TMEM233: variants seen among roughly 807,000 people sequenced by gnomAD.
TMEM233 encodes the protein transmembrane protein 233, also known as dispanin subfamily B member 2.
Under a neutral mutation model 11.2 loss-of-function variants are expected in TMEM233, and 6 were observed. The observed-to-expected ratio is 0.54, with a 90% CI of 0.29 to 1.06. The LOEUF is 1.06. Among genes scored for constraint, TMEM233 ranks in the 50% least tolerant of loss-of-function variants. The pLI, the probability that TMEM233 is intolerant of heterozygous loss-of-function variation, is 0.08. For missense variants in TMEM233, 127 were observed against 144.7 expected, an observed-to-expected ratio of 0.88 and a Z score of 0.63; for synonymous variants, 59 against 55.8, an observed-to-expected ratio of 1.06 and a Z score of -0.26.
chr12:119,611,338 T>G (rs995382502), intron 1 of TMEM233, among the ~76,000 whole-genome samples: 1 of 147,684 alleles, frequency 6.8e-6, no homozygotes, highest in South Asian at 2.1e-4. Context: ...CAATAACACA[T>G]GTTATTATCT....
At chr12:119,625,963 C>T (rs867106402) in intron 1 of TMEM233, among the ~76,000 whole-genome samples, 24 of 152,260 alleles carry the variant, frequency 1.6e-4, no homozygotes, top group African/African-American at 5.1e-4. Context: ...ATCCTAGACA[C>T]GATCAAGGAT....
intron 1 of TMEM233, among the ~76,000 whole-genome samples, chr12:119,610,640 C>T (rs1593285897): frequency 6.6e-6 from 1 of 152,274 alleles, no homozygotes; most frequent in East Asian, 1.9e-4. Context: ...GACTCTTCCC[C>T]AATTCACTTG....
chr12:119,606,415 AAG>A (rs1051433317), intron 1 of TMEM233, among the ~76,000 whole-genome samples: 4 of 152,194 alleles, frequency 2.6e-5, no homozygotes, highest in Non-Finnish European at 5.9e-5. Flanking sequence ...ATGGTTTTGA[AAG>A]AGAGAAGATG....
chr12:119,636,027 A>C (rs913738595), intron 2 of TMEM233, among the ~76,000 whole-genome samples: 6 of 152,102 alleles, frequency 3.9e-5, no homozygotes, highest in Non-Finnish European at 8.8e-5. Flanking sequence ...CATAGGCATG[A>C]CCAATTACAT....
chr12:119,643,818 G>A (rs893687359), downstream of TMEM233, among the ~76,000 whole-genome samples: 1 of 151,802 alleles, frequency 6.6e-6, no homozygotes, highest in Non-Finnish European at 1.5e-5. Context: ...TCATCAGCCA[G>A]TTACAAAAAC....
intron 1 of TMEM233, among the ~76,000 whole-genome samples, chr12:119,624,900 A>G (rs923522118): frequency 6.6e-6 from 1 of 152,228 alleles, no homozygotes; most frequent in African/African-American, 2.4e-5. Context: ...TGGTCCCCAC[A>G]TCAGTTAAAT....
chr12:119,627,807 A>G (rs1206322828), intron 1 of TMEM233, among the ~76,000 whole-genome samples: 1 of 152,170 alleles, frequency 6.6e-6, no homozygotes, highest in Non-Finnish European at 1.5e-5. Flanking sequence ...AAAGGCACTC[A>G]AAGCTCCTCT....
chr12:119,631,896 C>T (rs980770312), intron 2 of TMEM233, among the ~76,000 whole-genome samples: 2 of 152,116 alleles, frequency 1.3e-5, no homozygotes, highest in Non-Finnish European at 2.9e-5. Context: ...TTAGTGGGTG[C>T]ACAAAAATGT....
rs549576716 is a variant in TMEM233 at position 119,619,399 on chromosome 12, C to T, written c.187-10337C>T. Among the ~76,000 whole-genome samples, 251 of 152,184 alleles carry T rather than the reference C, an allele frequency of 1.6e-3. 1 individual carries two copies. Among genetic ancestry groups the T allele is most frequent in the Middle Eastern group, 6.8e-3 (2 of 294 alleles). ...CTCATGTCTATAATACCAACAGTTT[C>T]GGAGGCCGAGGCAGGCAGATAATTT... On this transcript the variant is annotated intron_variant, in intron 1 of 2. Transcript: ENST00000426426.
chr12:119,617,562 G>A (rs1287303624), intron 1 of TMEM233, among the ~76,000 whole-genome samples: 4 of 152,152 alleles, frequency 2.6e-5, no homozygotes, highest in South Asian at 2.1e-4. Flanking sequence ...AGCCGGGCAC[G>A]GTGGCTCATG....
chr12:119,640,937 TGAAAA>T lies in TMEM233; in HGVS notation c.*238_*242del, dbSNP rs371011534. 8.2e-4 allele frequency: 408 copies of T among 500,602 alleles called. 3 individuals carry two copies. The Admixed American group carries it at 9.8e-3, about 12-fold the overall frequency. 31.0% of individuals were successfully genotyped at this position (500,602 alleles called of 1,614,324 possible). A position where few individuals can be genotyped will look rare whatever the true frequency, so the allele number is the denominator to read the frequency against. On this transcript the variant is annotated 3_prime_UTR_variant, in exon 3 of 3. Transcript: ENST00000426426. ...AGCCAAAGTCATTGATTTGTAAAAA[TGAAAA>T]GAAAACAGAAAAAAGAAAAATGAAG...
intron 1 of TMEM233, among the ~76,000 whole-genome samples, chr12:119,607,198 C>A (rs1236612851): frequency 6.6e-6 from 1 of 152,160 alleles, no homozygotes; most frequent in Non-Finnish European, 1.5e-5. Flanking sequence ...ATGTAGAGCA[C>A]AAACTCTATC....
intron 1 of TMEM233, among the ~76,000 whole-genome samples, chr12:119,596,828 T>C (rs1954059107): frequency 6.6e-6 from 1 of 152,158 alleles, no homozygotes; most frequent in Non-Finnish European, 1.5e-5. Context: ...GGTTTCTTCA[T>C]CTATAAAATG....
At chr12:119,654,072 A>G in the TMEM233 span, among the ~76,000 whole-genome samples, 44 of 152,260 alleles carry the variant, frequency 2.9e-4, no homozygotes, top group African/African-American at 1.1e-3. Context: ...AGCCAGAGGG[A>G]AAAATGATAC....
intron 1 of TMEM233, among the ~76,000 whole-genome samples, chr12:119,610,859 A>G (rs1238354933): frequency 6.6e-6 from 1 of 152,154 alleles, no homozygotes; most frequent in African/African-American, 2.4e-5. Context: ...AACCCCTGGC[A>G]ATCTCTATTC....
chr12:119,611,419 G>A (rs889546888), intron 1 of TMEM233, among the ~76,000 whole-genome samples: 1 of 152,092 alleles, frequency 6.6e-6, no homozygotes, highest in African/African-American at 2.4e-5. Flanking sequence ...TTTCCCCATT[G>A]ACTAATGATG....
chr12:119,612,370 T>G (rs1319594622), intron 1 of TMEM233, among the ~76,000 whole-genome samples: 1 of 152,058 alleles, frequency 6.6e-6, no homozygotes, highest in African/African-American at 2.4e-5. Context: ...ATCCCAGCAC[T>G]TTGGGAGGCC....
chr12:119,646,302 G>A (rs1021377093), downstream of TMEM233, among the ~76,000 whole-genome samples: 14 of 152,014 alleles, frequency 9.2e-5, no homozygotes, highest in Middle Eastern at 3.2e-3. Context: ...CAAGTGATCC[G>A]CCCACCTCGG....
At chr12:119,602,676 A>G (rs1164711436) in intron 1 of TMEM233, among the ~76,000 whole-genome samples, 1 of 152,236 alleles carries the variant, frequency 6.6e-6, no homozygotes, top group African/African-American at 2.4e-5. Flanking sequence ...CCTAGAATTT[A>G]AACTGTTTTT....
Sources: gnomAD v4.1 joint callset for allele counts (sites outside exome capture counted in the v4.1 genomes callset) on GRCh38, gnomAD v4.1.1 for gene constraint, MANE v1.5 for transcripts, NCBI Gene and HGNC (gene_info 2026-07-23, HGNC 2026-07-21) for gene names.